The following FAM184A variants were observed in gnomAD, a reference collection of about 807,000 sequenced individuals.
FAM184A encodes the protein protein FAM184A.
Under a neutral mutation model 143.8 loss-of-function variants are expected in FAM184A, and 99 were observed. The ratio of observed to expected loss-of-function variants is 0.69; its 90% CI spans 0.58 to 0.81. The LOEUF (loss-of-function observed/expected upper bound fraction) is 0.81, where lower values mean the gene tolerates loss of function less well. Ranked by LOEUF, FAM184A falls within the 40% of genes least tolerant of loss-of-function variation. The pLI, the probability that FAM184A is intolerant of heterozygous loss-of-function variation, is 0.00. For synonymous variants in FAM184A, 427 were observed against 446.4 expected (o/e 0.96, Z 0.55); for missense variants, 1,217 against 1,310.5 (o/e 0.93, Z 1.10).
intron 5 of FAM184A, among the ~76,000 whole-genome samples, chr6:119,014,539 A>C (rs1414882476): frequency 6.6e-6 from 1 of 152,250 alleles, no homozygotes; most frequent in African/African-American, 2.4e-5. Flanking sequence ...ACTATCTACG[A>C]GAGAATACAT....
intron 1 of FAM184A, among the ~76,000 whole-genome samples, chr6:119,116,662 A>G (rs1484389837): frequency 6.6e-6 from 1 of 152,248 alleles, no homozygotes; most frequent in Admixed American, 6.5e-5. Context: ...GTGCAAGTCC[A>G]GAGAAATGAG....
chr6:119,017,442 G>A (rs1785298765), intron 4 of FAM184A, among the ~76,000 whole-genome samples: 1 of 151,366 alleles, frequency 6.6e-6, no homozygotes, highest in South Asian at 2.1e-4. Flanking sequence ...AGTTTGCAGT[G>A]AGCTGAGATT....
chr6:119,096,450 C>A (rs1224795365), intron 1 of FAM184A, among the ~76,000 whole-genome samples: 2 of 38,532 alleles, frequency 5.2e-5, no homozygotes, highest in African/African-American at 1.8e-4. Context: ...TCCTGGCTAA[C>A]AAGGTGAAAC....
At chr6:119,137,743 TC>T (rs1428724722) in intron 1 of FAM184A, among the ~76,000 whole-genome samples, 1 of 152,212 alleles carries the variant, frequency 6.6e-6, no homozygotes, top group East Asian at 1.9e-4. Flanking sequence ...CTGTTGGCAG[TC>T]CTGTCTCTCC....
At chr6:118,984,179 T>A (rs868379166) in intron 9 of FAM184A, among the ~76,000 whole-genome samples, 9 of 134,454 alleles carry the variant, frequency 6.7e-5, no homozygotes, top group South Asian at 2.3e-4. Flanking sequence ...ATATATATAT[T>A]TATATATATA....
chr6:119,123,640 C>T (rs1473080036), intron 1 of FAM184A, among the ~76,000 whole-genome samples: 1 of 152,146 alleles, frequency 6.6e-6, no homozygotes, highest in Non-Finnish European at 1.5e-5. Flanking sequence ...GGGCCGAGAA[C>T]TCTGTTTTCA....
chr6:118,989,293 A>T (rs534428155), intron 9 of FAM184A, among the ~76,000 whole-genome samples: 75 of 152,218 alleles, frequency 4.9e-4, no homozygotes, highest in Non-Finnish European at 8.8e-4. Flanking sequence ...AACCATTGGA[A>T]AAACCTACAT....
intron 6 of FAM184A, among the ~76,000 whole-genome samples, chr6:119,010,022 G>T (rs1267912685): frequency 6.6e-6 from 1 of 152,122 alleles, no homozygotes. Flanking sequence ...CAGCTGCTAG[G>T]CCATGTGTGC....
intron 15 of FAM184A, among the ~76,000 whole-genome samples, chr6:118,966,092 C>T (rs1237804109): frequency 6.6e-6 from 1 of 152,178 alleles, no homozygotes; most frequent in African/African-American, 2.4e-5. Context: ...TCTCAGACAA[C>T]AGGCTGCCTC....
At chr6:119,095,751 G>T (rs916993982) in intron 1 of FAM184A, among the ~76,000 whole-genome samples, 5 of 152,128 alleles carry the variant, frequency 3.3e-5, no homozygotes, top group African/African-American at 1.2e-4. Flanking sequence ...TAGAGACAGG[G>T]TCTTGCTATG....
At chr6:119,128,135 A>G (rs1387963419) in intron 1 of FAM184A, among the ~76,000 whole-genome samples, 1 of 152,150 alleles carries the variant, frequency 6.6e-6, no homozygotes, top group Non-Finnish European at 1.5e-5. Flanking sequence ...AAGACTGACA[A>G]ACAGACTCTT....
chr6:118,964,575 C>CT, intron 16 of FAM184A, 92 bp downstream of exon 16: 1 of 552,498 alleles, frequency 1.8e-6, no homozygotes, highest in Non-Finnish European at 3.1e-6. Context: ...TTTTTGGGAG[C>CT]TTTATCTAAC....
chr6:119,018,214 CAG>C (rs1197607549), intron 4 of FAM184A, among the ~76,000 whole-genome samples: 2 of 151,804 alleles, frequency 1.3e-5, no homozygotes, highest in Non-Finnish European at 2.9e-5. Flanking sequence ...GTGTGTGTTT[CAG>C]AGAGAGAGAG....
At chr6:119,095,690 C>G (rs911452339) in intron 1 of FAM184A, among the ~76,000 whole-genome samples, 1 of 152,034 alleles carries the variant, frequency 6.6e-6, no homozygotes, top group African/African-American at 2.4e-5. Context: ...TCCTGTGTAG[C>G]TAGGACTACA....
intron 16 of FAM184A, chr6:118,964,039 A>G (rs1783415538): frequency 6.6e-6 from 1 of 152,206 alleles, no homozygotes; most frequent in Non-Finnish European, 1.5e-5. Context: ...AAGAACGGTC[A>G]TAAAGCTGGG....
At chr6:118,991,470 A>G (rs1005497613) in intron 9 of FAM184A, among the ~76,000 whole-genome samples, 7 of 152,022 alleles carry the variant, frequency 4.6e-5, no homozygotes, top group Non-Finnish European at 1.0e-4. Context: ...GCCAGAAAAG[A>G]TATTTTAGAA....
At chr6:118,998,283 C>A (rs1311888389) in intron 9 of FAM184A, among the ~76,000 whole-genome samples, 1 of 152,190 alleles carries the variant, frequency 6.6e-6, no homozygotes, top group Non-Finnish European at 1.5e-5. Context: ...TAATCCAGGT[C>A]CTAATTGGGC....
At chr6:119,072,105 G>C (rs1300999750) in intron 1 of FAM184A, among the ~76,000 whole-genome samples, 1 of 151,984 alleles carries the variant, frequency 6.6e-6, no homozygotes, top group African/African-American at 2.4e-5. Context: ...CAAGTGATCT[G>C]CCTGCCTTGG....
chr6:119,122,455 GGCCAGAA>G lies in FAM184A; in HGVS notation c.-202+26616_-202+26622del, dbSNP rs201156089. ...TGACAGTCTGGGAAGCATAGTCTGT[GGCCAGAA>G]GCCAGAAACAGATACTTCAGAGGAG... is the stretch of plus-strand genomic sequence containing the variant. On this transcript the variant is annotated intron_variant, in intron 1 of 16. Transcript: ENST00000352896. Among the ~76,000 whole-genome samples the G allele has an allele frequency of 4.1e-3, 621 of 152,256 alleles. 2 individuals carry two copies. The highest frequency in any genetic ancestry group is 0.014 in the African/African-American group (587 of 41,532).
Sources: gnomAD v4.1 joint callset for allele counts (sites outside exome capture counted in the v4.1 genomes callset) on GRCh38, gnomAD v4.1.1 for gene constraint, MANE v1.5 for transcripts, NCBI Gene and HGNC (gene_info 2026-07-23, HGNC 2026-07-21) for gene names.